DSCAML1: variants seen among roughly 807,000 people sequenced by gnomAD.
DSCAML1 encodes DS cell adhesion molecule like 1, also known as cell adhesion molecule DSCAML1.
In DSCAML1, 38 loss-of-function variants were observed where a neutral mutation model predicts 200.5. That is an observed-to-expected ratio of 0.19 (90% CI 0.15 to 0.25). DSCAML1 has a LOEUF of 0.25. Among genes scored for constraint, DSCAML1 ranks in the 10% least tolerant of loss-of-function variants. The pLI, the probability that DSCAML1 is intolerant of heterozygous loss-of-function variation, is 1.00. For missense variants in DSCAML1, 2,223 were observed against 2,858.8 expected, an observed-to-expected ratio of 0.78 and a Z score of 5.07; for synonymous variants, 1,215 against 1,165.0, an observed-to-expected ratio of 1.04 and a Z score of -0.87.
At chr11:117,509,727 T>A (rs2049581461) in intron 8 of DSCAML1, among the ~76,000 whole-genome samples, 3 of 151,166 alleles carry the variant, frequency 2.0e-5, no homozygotes. Flanking sequence ...CCTTCTGACC[T>A]GTGAGTCAGC....
At chr11:117,470,503 G>A (rs533879265) in intron 15 of DSCAML1, among the ~76,000 whole-genome samples, 103 of 152,276 alleles carry the variant, frequency 6.8e-4, no homozygotes, top group African/African-American at 2.5e-3. Flanking sequence ...TGAACCCAGG[G>A]GGTGGAGCCT....
intron 3 of DSCAML1, among the ~76,000 whole-genome samples, chr11:117,762,423 T>C (rs2054820239): frequency 6.6e-6 from 1 of 152,188 alleles, no homozygotes; most frequent in Non-Finnish European, 1.5e-5. Flanking sequence ...GGTGCCTGCT[T>C]CCTGCTGTCA....
In DSCAML1 at chr11:117,503,832, G is replaced by A; in HGVS notation, c.2359+13C>T. ...TTTGGGGGTGCTAGGGGGCGTGTGG[G>A]GACAGGACTCACTCTTGACTGTGAG... is the stretch of plus-strand genomic sequence containing the variant. On this transcript the variant is annotated intron_variant, in intron 11 of 32. Coordinates refer to ENST00000651296, the MANE Select transcript of DSCAML1 (RefSeq NM_020693.4). The surrounding 1 kb of genome is among the most constrained non-coding windows in gnomAD (Gnocchi z 5.2). The A allele has an allele frequency of 2.5e-6, 4 of 1,611,942 alleles. No homozygotes were observed. The highest frequency in any genetic ancestry group is 3.4e-6 in the Non-Finnish European group (4 of 1,178,906).
chr11:117,745,391 G>C (rs111663193), intron 3 of DSCAML1, among the ~76,000 whole-genome samples: 1,554 of 152,268 alleles, frequency 0.01, 28 homozygotes, highest in African/African-American at 0.036. Context: ...AGCTGAAGCT[G>C]TTCCACCCCA....
intron 3 of DSCAML1, among the ~76,000 whole-genome samples, chr11:117,609,027 C>CAA (rs746493110): frequency 9.0e-6 from 1 of 110,822 alleles, no homozygotes; most frequent in African/African-American, 3.5e-5. Flanking sequence ...AACAAACAAA[C>CAA]AAACAAACAA....
chr11:117,484,929 GTGTGTGTGTGTGTA>G (rs2049011253), intron 11 of DSCAML1, among the ~76,000 whole-genome samples: 1 of 142,272 alleles, frequency 7.0e-6, no homozygotes, highest in African/African-American at 2.6e-5. Flanking sequence ...GTGTGTGTGT[GTGTGTGTGTGTGTA>G]AGTGGGGCTG....
At position 117,609,032 on chromosome 11, in the gene DSCAML1, A is replaced by AAC. The variant is rs777014688; in HGVS notation, c.512-76511_512-76510insGT. The stretch of plus-strand genomic sequence containing the variant: ...CAAACAAACAAACAAACAAACAAAC[A>AAC]AACAAAAAAAACAAAAATTGTCTGG... On this transcript the variant is annotated intron_variant, in intron 3 of 32. Coordinates refer to ENST00000651296, the MANE Select transcript of DSCAML1 (RefSeq NM_020693.4). Among the ~76,000 whole-genome samples, 450 of 76,412 alleles carry AAC rather than the reference A, an allele frequency of 5.9e-3. 4 individuals are homozygous for AAC. Among genetic ancestry groups the AAC allele is most frequent in the African/African-American group, 0.021 (422 of 20,342 alleles). The allele number at this position is 76,412 out of a possible 152,430, so 50.1% of individuals were successfully genotyped here.
chr11:117,435,618 G>A, intron 27 of DSCAML1, 26 bp downstream of exon 27: 1 of 1,571,998 alleles, frequency 6.4e-7, no homozygotes, highest in South Asian at 1.1e-5. Context: ...ACCCCCTCCT[G>A]GAAGGCCCAT....
chr11:117,577,041 C>G (rs1451056188), intron 3 of DSCAML1, among the ~76,000 whole-genome samples: 1 of 152,194 alleles, frequency 6.6e-6, no homozygotes, highest in African/African-American at 2.4e-5. Context: ...CCCAATGCCC[C>G]AACCAGAATG....
chr11:117,805,922 A>G (rs2055704145), intron 1 of DSCAML1, among the ~76,000 whole-genome samples: 1 of 152,212 alleles, frequency 6.6e-6, no homozygotes. Flanking sequence ...GCAAGTGCCT[A>G]GGAAACAGTG....
intron 8 of DSCAML1, among the ~76,000 whole-genome samples, chr11:117,511,891 G>C (rs757272589): frequency 6.6e-6 from 1 of 152,254 alleles, no homozygotes; most frequent in Non-Finnish European, 1.5e-5. Context: ...CATGCAATAC[G>C]TACCAGGGTG....
intron 11 of DSCAML1, among the ~76,000 whole-genome samples, chr11:117,488,536 CACAG>C (rs895294854): frequency 2.0e-5 from 3 of 146,692 alleles, no homozygotes; most frequent in African/African-American, 7.9e-5. Flanking sequence ...CATGCACAGA[CACAG>C]ACACACACAC....
intron 24 of DSCAML1, 26 bp downstream of exon 24, chr11:117,438,859 T>TC: frequency 6.6e-7 from 1 of 1,515,788 alleles, no homozygotes; most frequent in Non-Finnish European, 8.8e-7. Flanking sequence ...TCCCCTATCT[T>TC]CCCCCGCATC....
chr11:117,507,132 T>C (rs1255364081), intron 8 of DSCAML1, among the ~76,000 whole-genome samples: 1 of 152,204 alleles, frequency 6.6e-6, no homozygotes, highest in Non-Finnish European at 1.5e-5. Flanking sequence ...TCAATTAGGC[T>C]GCAGCGACTT....
intron 14 of DSCAML1, among the ~76,000 whole-genome samples, chr11:117,478,768 G>A (rs924324029): frequency 3.9e-5 from 6 of 152,276 alleles, no homozygotes; most frequent in East Asian, 1.9e-4. Flanking sequence ...TCTGTCCTTC[G>A]CTTTCTCAAG....
intron 3 of DSCAML1, among the ~76,000 whole-genome samples, chr11:117,563,766 C>T (rs950040779): frequency 6.6e-6 from 1 of 152,108 alleles, no homozygotes; most frequent in Non-Finnish European, 1.5e-5. Flanking sequence ...CTCTATGGGA[C>T]GAGCCGTGTG....
At chr11:117,757,501 A>G (rs948995106) in intron 3 of DSCAML1, among the ~76,000 whole-genome samples, 1 of 151,918 alleles carries the variant, frequency 6.6e-6, no homozygotes, top group East Asian at 1.9e-4. Context: ...GTAAAATATT[A>G]TGTACTAATA....
chr11:117,566,552 G>GTT (rs1565793422), intron 3 of DSCAML1, among the ~76,000 whole-genome samples: 8 of 88,196 alleles, frequency 9.1e-5, no homozygotes, highest in Admixed American at 2.7e-4. Context: ...TTTTTGCCTT[G>GTT]GTTTTTTTTT....
chr11:117,554,668 C>T (rs12804924), intron 3 of DSCAML1, among the ~76,000 whole-genome samples: 11,740 of 152,186 alleles, frequency 0.077, 560 homozygotes, highest in East Asian at 0.11. Context: ...TGAGCCACCG[C>T]GCCCGGCCTG....
Sources: allele counts gnomAD v4.1 joint callset (sites outside exome capture counted in the v4.1 genomes callset), GRCh38; gene constraint gnomAD v4.1.1; non-coding constraint Gnocchi (gnomAD v3.1); transcripts MANE v1.5; gene names NCBI Gene and HGNC (gene_info 2026-07-23, HGNC 2026-07-21).